The following NUMB variants were observed in gnomAD, a reference collection of about 807,000 sequenced individuals.
NUMB encodes NUMB endocytic adaptor protein.
Under a neutral mutation model 59.7 loss-of-function variants are expected in NUMB, and 29 were observed. That is an observed-to-expected ratio of 0.49 (90% CI 0.36 to 0.66). The LOEUF (loss-of-function observed/expected upper bound fraction) is 0.66. NUMB is among the 30% of genes least tolerant of loss of function. The pLI, the probability that NUMB is intolerant of heterozygous loss-of-function variation, is 0.00. For missense variants in NUMB, 723 were observed against 822.0 expected (o/e 0.88, Z 1.47); for synonymous variants, 288 against 288.2 (o/e 1.00, Z 0.01).
In NUMB at chr14:73,276,482, GA is replaced by G; in HGVS notation, c.*95del. ...TTGGGACCTTTGGGATTAGTGAAAA[GA>G]GTACTAATCAGGAGACAAAGTCTGT... On this transcript the variant is annotated 3_prime_UTR_variant, in exon 13 of 13. Transcript: ENST00000555238. 2.2e-6 allele frequency: 2 copies of G among 895,514 alleles called. No individual in the cohort carries two copies. Among genetic ancestry groups the G allele is most frequent in the Non-Finnish European group, 3.4e-6 (2 of 585,852 alleles). 55.5% of individuals were successfully genotyped at this position (895,514 alleles called of 1,614,324 possible).
intron 1 of NUMB, among the ~76,000 whole-genome samples, chr14:73,454,462 C>T (rs1249719636): frequency 6.6e-6 from 1 of 151,892 alleles, no homozygotes; most frequent in African/African-American, 2.4e-5. Context: ...TTTCAGTTAC[C>T]CACATTTCTA....
chr14:73,279,038 A>G (rs1398838060), intron 12 of NUMB, among the ~76,000 whole-genome samples: 1 of 152,158 alleles, frequency 6.6e-6, no homozygotes, highest in African/African-American at 2.4e-5. Flanking sequence ...TCTGTATTTT[A>G]TAAAAGCTCT....
chr14:73,343,226 C>A (rs1253585667), intron 4 of NUMB, among the ~76,000 whole-genome samples: 1 of 152,000 alleles, frequency 6.6e-6, no homozygotes, highest in Non-Finnish European at 1.5e-5. Context: ...AAGACCATAT[C>A]TGCAATTAGG....
chr14:73,425,626 A>G (rs1897544833), intron 1 of NUMB, among the ~76,000 whole-genome samples: 1 of 152,132 alleles, frequency 6.6e-6, no homozygotes, highest in Non-Finnish European at 1.5e-5. Context: ...ATAACTGTCT[A>G]AATACCAACA....
At chr14:73,362,187 G>C (rs1171876113) in intron 3 of NUMB, among the ~76,000 whole-genome samples, 2 of 151,972 alleles carry the variant, frequency 1.3e-5, no homozygotes, top group Non-Finnish European at 2.9e-5. Context: ...AGCCAAGGAG[G>C]AAGAGGCTAC....
chr14:73,347,801 C>T (rs1892995019), intron 4 of NUMB, among the ~76,000 whole-genome samples: 1 of 152,166 alleles, frequency 6.6e-6, no homozygotes, highest in Non-Finnish European at 1.5e-5. Context: ...TGGTATTCTT[C>T]AAAGGTTTGT....
intron 7 of NUMB, 117 bp downstream of exon 7, chr14:73,297,094 G>T (rs1566731734): frequency 1.6e-6 from 1 of 622,342 alleles, no homozygotes; most frequent in Admixed American, 2.3e-5. Flanking sequence ...TTGAACCTGG[G>T]AGGTGGAGGT....
intron 7 of NUMB, among the ~76,000 whole-genome samples, chr14:73,293,402 T>C (rs1423227634): frequency 2.8e-5 from 4 of 144,978 alleles, no homozygotes; most frequent in African/African-American, 1.0e-4. Flanking sequence ...TCTTTTTTTT[T>C]TTTTTTTTTT....
At position 73,357,909 on chromosome 14, in the gene NUMB, CA is replaced by C. The variant is rs527463733; in HGVS notation, c.-15-2144del. ...CCCCCCCAAAAAAAAAAAAACCCAC[CA>C]AAAAAAACAAACTAAAAAAACCCTG... On this transcript the variant is annotated intron_variant, in intron 3 of 12. Coordinates refer to ENST00000555238, the MANE Select transcript of NUMB (RefSeq NM_001005743.2). 5.1e-3 allele frequency among the ~76,000 whole-genome samples: 758 copies of C among 149,644 alleles called. 7 individuals are homozygous for C. The highest frequency in any genetic ancestry group is 0.017 in the African/African-American group (713 of 40,798).
At chr14:73,402,011 C>T (rs539176586) in intron 2 of NUMB, among the ~76,000 whole-genome samples, 3 of 152,242 alleles carry the variant, frequency 2.0e-5, no homozygotes, top group Non-Finnish European at 4.4e-5. Context: ...CACGTGCACG[C>T]ACCACCATGT....
At chr14:73,441,636 G>T (rs940660723) in intron 1 of NUMB, among the ~76,000 whole-genome samples, 7 of 152,100 alleles carry the variant, frequency 4.6e-5, no homozygotes, top group Non-Finnish European at 8.8e-5. Context: ...CAACACTTTG[G>T]GAGGCGAGGA....
At chr14:73,432,519 T>A (rs1347330317) in intron 1 of NUMB, among the ~76,000 whole-genome samples, 1 of 152,084 alleles carries the variant, frequency 6.6e-6, no homozygotes, top group Admixed American at 6.6e-5. Context: ...TTAAAAAAAC[T>A]TTAAAGATCA....
chr14:73,284,028 T>G, intron 10 of NUMB, 53 bp downstream of exon 10: 248 of 1,496,356 alleles, frequency 1.7e-4, no homozygotes, highest in Non-Finnish European at 2.1e-4. Flanking sequence ...TGGGAAGTGA[T>G]GAGAATGCTT....
chr14:73,416,332 C>CTTT (rs3028740), intron 1 of NUMB, among the ~76,000 whole-genome samples: 43 of 141,330 alleles, frequency 3.0e-4, no homozygotes, highest in South Asian at 1.3e-3. Flanking sequence ...TTTTTCTTTT[C>CTTT]TTTTTTTTTT....
intron 2 of NUMB, among the ~76,000 whole-genome samples, chr14:73,404,914 C>T (rs1896588483): frequency 6.6e-6 from 1 of 152,072 alleles, no homozygotes; most frequent in Non-Finnish European, 1.5e-5. Context: ...GCACGCACCA[C>T]TGAGCCCGGC....
chr14:73,278,745 T>TTTTC (rs201063200), intron 12 of NUMB, among the ~76,000 whole-genome samples: 14 of 107,426 alleles, frequency 1.3e-4, no homozygotes, highest in South Asian at 3.7e-4. Flanking sequence ...TTTTTTTTTT[T>TTTTC]GAGACAGAGT....
intron 4 of NUMB, among the ~76,000 whole-genome samples, chr14:73,352,477 C>CACACATAT (rs1566756099): frequency 1.6e-4 from 2 of 12,690 alleles, no homozygotes; most frequent in Non-Finnish European, 3.3e-4. Flanking sequence ...CACACACACA[C>CACACATAT]ATATATATAT....
chr14:73,450,092 A>G (rs1455918615), intron 1 of NUMB, among the ~76,000 whole-genome samples: 1 of 152,242 alleles, frequency 6.6e-6, no homozygotes, highest in Non-Finnish European at 1.5e-5. Flanking sequence ...AGAGAAGTCT[A>G]TAATAGATCT....
chr14:73,290,733 A>AT (rs1306040217), intron 8 of NUMB, among the ~76,000 whole-genome samples: 2 of 152,140 alleles, frequency 1.3e-5, no homozygotes, highest in African/African-American at 4.8e-5. Flanking sequence ...AGTGTTTCTG[A>AT]TTTTAGATTT....
Sources: gnomAD v4.1 joint callset for allele counts (sites outside exome capture counted in the v4.1 genomes callset) on GRCh38, gnomAD v4.1.1 for gene constraint, MANE v1.5 for transcripts, NCBI Gene and HGNC (gene_info 2026-07-23, HGNC 2026-07-21) for gene names.